The following EYA3 variants were observed in gnomAD, a reference collection of about 807,000 sequenced individuals.
EYA3 encodes protein phosphatase EYA3.
EYA3 carries 39 observed loss-of-function variants against 80.0 expected under a neutral mutation model. That is an observed-to-expected ratio of 0.49 (90% CI 0.38 to 0.64). The LOEUF (loss-of-function observed/expected upper bound fraction) is 0.64. EYA3 is among the 30% of genes least tolerant of loss of function. The pLI is 0.00. For missense variants in EYA3, 523 were observed against 676.1 expected (o/e 0.77, Z 2.51); for synonymous variants, 206 against 232.8 (o/e 0.88, Z 1.05).
At chr1:28,071,614 C>A (rs998028135) in intron 1 of EYA3, among the ~76,000 whole-genome samples, 1 of 151,938 alleles carries the variant, frequency 6.6e-6, no homozygotes, top group Non-Finnish European at 1.5e-5. Context: ...TTTGGGATTT[C>A]TTTTTTGTTT....
chr1:28,027,979 A>C, intron 6 of EYA3, 53 bp from the exon 7 acceptor site: 1 of 1,588,608 alleles, frequency 6.3e-7, no homozygotes, highest in Non-Finnish European at 8.6e-7. Flanking sequence ...ACTGAGGAGC[A>C]TGGTTATGCT....
At position 28,016,265 on chromosome 1, in the gene EYA3, C is replaced by T. The variant is rs571069355; in HGVS notation, c.585+889G>A. Reference sequence around the variant, plus strand: ...AAACAAGGCTGGGCGCGGTGGCTCACACCTGTAATCCCAGCACTTTGGGAG... The same window carrying T: ...AAACAAGGCTGGGCGCGGTGGCTCATACCTGTAATCCCAGCACTTTGGGAG... On this transcript the variant is annotated intron_variant, in intron 8 of 17. Transcript: ENST00000373871. Among the ~76,000 whole-genome samples, 21 of 152,266 alleles carry T rather than the reference C, an allele frequency of 1.4e-4. No individual in the cohort carries two copies. The East Asian group carries it at 3.5e-3, about 25-fold the overall frequency.
At chr1:28,068,276 G>A (rs1644903716) in intron 1 of EYA3, among the ~76,000 whole-genome samples, 1 of 150,394 alleles carries the variant, frequency 6.6e-6, no homozygotes. Context: ...AGATTGCAGT[G>A]AGCCAAGATC....
intron 7 of EYA3, among the ~76,000 whole-genome samples, chr1:28,022,462 T>C (rs917290160): frequency 1.3e-5 from 2 of 152,104 alleles, no homozygotes; most frequent in Non-Finnish European, 2.9e-5. Context: ...AGATTCTCAT[T>C]GCTGGAGTGG....
intron 11 of EYA3, among the ~76,000 whole-genome samples, chr1:28,000,520 G>C (rs542153170): frequency 7.2e-5 from 11 of 152,064 alleles, no homozygotes; most frequent in Admixed American, 3.3e-4. Flanking sequence ...CACTATGTTA[G>C]CCAGGATGGT....
chr1:28,046,152 G>A (rs1643997265), intron 3 of EYA3, among the ~76,000 whole-genome samples: 1 of 152,194 alleles, frequency 6.6e-6, no homozygotes, highest in South Asian at 2.1e-4. Flanking sequence ...TTGGAAAGAT[G>A]AATAAAGTTC....
intron 12 of EYA3, among the ~76,000 whole-genome samples, chr1:27,999,618 T>A (rs1640689475): frequency 6.6e-6 from 1 of 152,134 alleles, no homozygotes. Context: ...CAAACTCACT[T>A]TATATATATT....
At chr1:27,977,914 G>A (rs1639041918) in intron 17 of EYA3, among the ~76,000 whole-genome samples, 1 of 152,024 alleles carries the variant, frequency 6.6e-6, no homozygotes, top group Admixed American at 6.6e-5. Flanking sequence ...CTGTATAGTG[G>A]TGGGGTTAAC....
intron 13 of EYA3, among the ~76,000 whole-genome samples, chr1:27,996,392 G>C (rs1640460886): frequency 6.6e-6 from 1 of 152,104 alleles, no homozygotes; most frequent in Non-Finnish European, 1.5e-5. Context: ...GTAATTACTG[G>C]TTAGCCACAC....
chr1:27,996,628 G>A (rs1483241895), intron 13 of EYA3, among the ~76,000 whole-genome samples: 1 of 152,168 alleles, frequency 6.6e-6, no homozygotes, highest in Non-Finnish European at 1.5e-5. Context: ...GTTCTACTCC[G>A]TATTTGAGAA....
At chr1:28,026,038 C>T (rs933748555) in intron 7 of EYA3, among the ~76,000 whole-genome samples, 5 of 152,162 alleles carry the variant, frequency 3.3e-5, no homozygotes, top group Admixed American at 1.3e-4. Flanking sequence ...GGATTACAGG[C>T]GTGAGCCACC....
At chr1:28,020,712 GTGT>G (rs1374809107) in intron 7 of EYA3, among the ~76,000 whole-genome samples, 2 of 136,692 alleles carry the variant, frequency 1.5e-5, no homozygotes, top group Admixed American at 7.4e-5. Context: ...GTGTGTGTGT[GTGT>G]GAATAAAAAT....
chr1:28,073,127 A>ATATATATATATATTTTTTT, intron 1 of EYA3, among the ~76,000 whole-genome samples: 3 of 14,998 alleles, frequency 2.0e-4, no homozygotes, highest in Non-Finnish European at 2.2e-4. Flanking sequence ...ATATATATAT[A>ATATATATATATATTTTTTT]TTTTTTTTTT....
chr1:28,085,515 G>A (rs1446322552), intron 1 of EYA3, among the ~76,000 whole-genome samples: 1 of 151,862 alleles, frequency 6.6e-6, no homozygotes, highest in Non-Finnish European at 1.5e-5. Context: ...AGGATTCAAG[G>A]ACCAAAAAAC....
intron 10 of EYA3, 83 bp from the exon 11 acceptor site, chr1:28,004,502 G>A (rs12139076): frequency 0.014 from 13,211 of 961,500 alleles, 197 homozygotes; most frequent in African/African-American, 0.063. Flanking sequence ...AAAGAGAACT[G>A]GGAAATTCAT....
chr1:27,985,505 G>A (rs1395847847), intron 16 of EYA3, among the ~76,000 whole-genome samples: 2 of 152,064 alleles, frequency 1.3e-5, no homozygotes, highest in African/African-American at 4.8e-5. Context: ...ACATTTTGCT[G>A]GTTCTTCCTC....
At chr1:28,010,867 G>T in intron 10 of EYA3, 80 bp downstream of exon 10, 1 of 1,520,890 alleles carries the variant, frequency 6.6e-7, no homozygotes, top group Non-Finnish European at 8.9e-7. Context: ...CATTATCTCT[G>T]TGAGCTTCAA....
At chr1:27,991,309 C>G (rs901139076) in intron 14 of EYA3, among the ~76,000 whole-genome samples, 1 of 152,170 alleles carries the variant, frequency 6.6e-6, no homozygotes, top group East Asian at 1.9e-4. Context: ...ACTACTTGTC[C>G]ACTTGCTTCA....
In EYA3 at chr1:27,978,286, A is replaced by C. The variant is rs994000275; in HGVS notation, c.1641+88T>G. On this transcript the variant is annotated intron_variant, in intron 17 of 17. Transcript: ENST00000373871. ...GAAAGAGAAAATATTATAAATGCAT[A>C]ATAGATTGCTAAGATTTTGTAGTTT... 10 of 940,152 alleles carry C rather than the reference A, an allele frequency of 1.1e-5. No homozygotes were observed. The African/African-American group carries it at 1.6e-4, about 15-fold the overall frequency. The allele number at this position is 940,152 out of a possible 1,614,324, so 58.2% of individuals were successfully genotyped here. A position where few individuals can be genotyped will look rare whatever the true frequency, so the allele number is the denominator to read the frequency against.
Sources: allele counts gnomAD v4.1 joint callset (sites outside exome capture counted in the v4.1 genomes callset), GRCh38; gene constraint gnomAD v4.1.1; transcripts MANE v1.5; gene names NCBI Gene and HGNC (gene_info 2026-07-23, HGNC 2026-07-21).